The following RIIAD1 variants were observed in gnomAD, a reference collection of about 807,000 sequenced individuals.
RIIAD1 encodes regulatory subunit of type II PKA R-subunit domain containing 1.
Under a neutral mutation model 13.3 loss-of-function variants are expected in RIIAD1, and 15 were observed. That is an observed-to-expected ratio of 1.13 (90% CI 0.76 to 1.74). The LOEUF (loss-of-function observed/expected upper bound fraction) is 1.74. RIIAD1 is among the 40% of genes most tolerant of loss of function. RIIAD1 has a pLI of 0.00. For missense variants in RIIAD1, 121 were observed against 112.2 expected, an observed-to-expected ratio of 1.08 and a Z score of -0.35; for synonymous variants, 50 against 43.3, an observed-to-expected ratio of 1.16 and a Z score of -0.61.
chr1:151,718,360 G>T (rs964183897), upstream of RIIAD1, among the ~76,000 whole-genome samples: 3 of 152,208 alleles, frequency 2.0e-5, no homozygotes, highest in Non-Finnish European at 2.9e-5. Flanking sequence ...AAGCCATGCA[G>T]CTAGAAAGAG....
At chr1:151,715,927 G>A (rs1673446290) in intron 4 of RIIAD1, 4 of 1,613,988 alleles carry the variant, frequency 2.5e-6, no homozygotes, top group South Asian at 1.1e-5. Flanking sequence ...TCAAAGATCC[G>A]ACCAAACTGT....
At chr1:151,715,741 A>C in intron 4 of RIIAD1, 1 of 1,592,138 alleles carries the variant, frequency 6.3e-7, no homozygotes, top group Non-Finnish European at 8.5e-7. Context: ...CAGCTCCTCC[A>C]TCCACTTTCC....
chr1:151,716,672 C>T, upstream of RIIAD1: 1 of 297,866 alleles, frequency 3.4e-6, no homozygotes, highest in Non-Finnish European at 7.1e-6. Context: ...CCCCTCAGCC[C>T]CCCTCCCACC....
At chr1:151,716,749 G>A (rs764031917), upstream of RIIAD1, 1 of 444,360 alleles carries the variant, frequency 2.3e-6, no homozygotes, top group African/African-American at 2.3e-5. Flanking sequence ...CTGCTTTCCC[G>A]GTCACCTGGG....
chr1:151,722,712 T>G (rs1254968867), intron 2 of RIIAD1, among the ~76,000 whole-genome samples: 2 of 152,218 alleles, frequency 1.3e-5, no homozygotes, highest in Admixed American at 1.3e-4. Flanking sequence ...GTTTAAATAA[T>G]TATAATGGCA....
At chr1:151,713,060 A>C (rs1214319911) in intron 2 of RIIAD1, among the ~76,000 whole-genome samples, 3 of 152,158 alleles carry the variant, frequency 2.0e-5, no homozygotes, top group East Asian at 1.9e-4. Context: ...GTTCCTTCAA[A>C]CCCCTTGGAT....
chr1:151,721,387 C>T, upstream of RIIAD1: 1 of 407,540 alleles, frequency 2.5e-6, no homozygotes. Flanking sequence ...TTTAGAGACC[C>T]ACCCCCCAAG....
chr1:151,711,988 C>G (rs899536376), exon 2 of RIIAD1: 2 of 152,248 alleles, frequency 1.3e-5, no homozygotes, highest in African/African-American at 2.4e-5. Flanking sequence ...CAGCAAGGAC[C>G]GTGCTGACGG....
chr1:151,727,605 C>T lies in RIIAD1; in HGVS notation c.192C>T (p.Ile64=), dbSNP rs59907178. Residue 64 remains isoleucine (I), a synonymous_variant, in exon 3 of 5, where the codon ATC becomes ATT. Transcript: ENST00000479191. ...REIFLKRPDN[I]LEFAADYFTD... ...TATTTTTGAAAAGACCAGACAACAT[C>T]CTAGAATTTGCTGCAGGTGAGTAAG... is the stretch of plus-strand genomic sequence containing the variant. 2.9e-3 allele frequency: 4,436 copies of T among 1,550,252 alleles called. 129 individuals carry two copies. The African/African-American group carries it at 0.054, about 19-fold the overall frequency.
At chr1:151,711,652 G>A (rs1360861344) in intron 1 of RIIAD1, among the ~76,000 whole-genome samples, 11 of 152,220 alleles carry the variant, frequency 7.2e-5, no homozygotes, top group Admixed American at 7.2e-4. Flanking sequence ...GGGTGCATGG[G>A]CTTTCACCTC....
upstream of RIIAD1, chr1:151,716,574 C>T (rs1044580946): frequency 1.4e-4 from 47 of 344,860 alleles, no homozygotes; most frequent in Non-Finnish European, 1.7e-4. Context: ...TCTGCTGGGT[C>T]CGAAGATCCC....
At chr1:151,725,287 T>C (rs569797221) in intron 2 of RIIAD1, among the ~76,000 whole-genome samples, 2 of 151,774 alleles carry the variant, frequency 1.3e-5, no homozygotes. Context: ...ATTTTTTGTA[T>C]TTTTAGTAGA....
intron 1 of RIIAD1, 185 bp downstream of exon 1, chr1:151,721,805 C>G (rs1188200432): frequency 1.1e-5 from 6 of 562,314 alleles, no homozygotes; most frequent in Non-Finnish European, 1.9e-5. Context: ...CAGAGCGCGA[C>G]GGGCATCTGA....
chr1:151,727,214 C>T (rs552826505), intron 2 of RIIAD1, among the ~76,000 whole-genome samples: 23 of 152,190 alleles, frequency 1.5e-4, no homozygotes, highest in Admixed American at 3.9e-4. Context: ...GGAGGTTGAT[C>T]GCGCCACTGT....
intron 2 of RIIAD1, among the ~76,000 whole-genome samples, chr1:151,713,178 AC>A (rs1673171268): frequency 6.6e-6 from 1 of 152,116 alleles, no homozygotes; most frequent in Admixed American, 6.5e-5. Flanking sequence ...ATTCAGCGTC[AC>A]CTAGAAGCTC....
chr1:151,716,968 C>T (rs565444028), upstream of RIIAD1, among the ~76,000 whole-genome samples: 388 of 152,236 alleles, frequency 2.5e-3, 1 homozygote, highest in African/African-American at 9.0e-3. Flanking sequence ...CCCTTCCCGC[C>T]CCCAGAAGAG....
chr1:151,723,614 C>A (rs575828205), intron 2 of RIIAD1, among the ~76,000 whole-genome samples: 1 of 152,172 alleles, frequency 6.6e-6, no homozygotes, highest in Admixed American at 6.5e-5. Context: ...GCAGGAGAAT[C>A]GCTTAAACCT....
At chr1:151,722,184 G>T (rs998853867) in intron 2 of RIIAD1, 22 bp downstream of exon 2, 2 of 1,471,192 alleles carry the variant, frequency 1.4e-6, no homozygotes, top group Non-Finnish European at 1.9e-6. Context: ...TCCAGGCTCT[G>T]GGATTTGTGG....
At chr1:151,726,264 C>G (rs534755536) in intron 2 of RIIAD1, among the ~76,000 whole-genome samples, 48 of 152,342 alleles carry the variant, frequency 3.2e-4, no homozygotes, top group African/African-American at 7.0e-4. Context: ...TAATACTCCT[C>G]TTTAGCACTT....
Sources: gnomAD v4.1 joint callset for allele counts (sites outside exome capture counted in the v4.1 genomes callset) on GRCh38, gnomAD v4.1.1 for gene constraint, MANE v1.5 for transcripts, NCBI Gene and HGNC (gene_info 2026-07-23, HGNC 2026-07-21) for gene names.